BUB1: variants seen among roughly 807,000 people sequenced by gnomAD.
BUB1 encodes the protein mitotic checkpoint serine/threonine-protein kinase BUB1.
In BUB1, 84 loss-of-function variants were observed where a neutral mutation model predicts 135.2. The ratio of observed to expected loss-of-function variants is 0.62; its 90% CI spans 0.52 to 0.74. The LOEUF (loss-of-function observed/expected upper bound fraction) is 0.74. Among genes scored for constraint, BUB1 ranks in the 30% least tolerant of loss-of-function variants. The probability of loss-of-function intolerance (pLI) is 0.00; values close to 1 mark genes in which losing one functional copy is unlikely to be tolerated. For synonymous variants in BUB1, 403 were observed against 434.4 expected, an observed-to-expected ratio of 0.93 and a Z score of 0.90; for missense variants, 1,162 against 1,288.3, an observed-to-expected ratio of 0.90 and a Z score of 1.50.
rs771543746 is a variant in BUB1, at chr2:110,669,467, T to G, written c.553A>C (p.Ile185Leu). 4 of 1,592,062 alleles carry G rather than the reference T, an allele frequency of 2.5e-6. No homozygotes were observed. The highest frequency in any genetic ancestry group is 3.4e-6 in the Non-Finnish European group (4 of 1,159,980). Residue 185 changes from isoleucine (I) to leucine (L), a missense_variant, in exon 6 of 25, where the codon ATT becomes CTT. Transcript: ENST00000302759. Reference sequence around the variant, plus strand: ...GTCATTATTACCTGATTCTTAGAAATGCAGGCCATGTTATTTCCTGGATTT... The same window carrying G: ...GTCATTATTACCTGATTCTTAGAAAGGCAGGCCATGTTATTTCCTGGATTT... ...KSNPGNNMAC[I>L]SKNQGSELSG...
At chr2:110,650,462 C>T (rs1446115028) in intron 18 of BUB1, 84 bp downstream of exon 18, 1 of 1,290,320 alleles carries the variant, frequency 7.8e-7, no homozygotes, top group Non-Finnish European at 1.1e-6. Flanking sequence ...ACATTCAAGT[C>T]CCACTGTGGG....
chr2:110,641,990 TTTG>T, intron 20 of BUB1, 126 bp downstream of exon 20: 1 of 1,031,674 alleles, frequency 9.7e-7, no homozygotes, highest in Non-Finnish European at 1.4e-6. Flanking sequence ...TTTTGTAGTT[TTTG>T]TTTTTTAATT....
intron 17 of BUB1, among the ~76,000 whole-genome samples, chr2:110,653,056 G>A (rs1017012989): frequency 6.6e-6 from 1 of 152,190 alleles, no homozygotes; most frequent in Non-Finnish European, 1.5e-5. Flanking sequence ...CTGGGTACCA[G>A]GTTGCATTTA....
intron 9 of BUB1, among the ~76,000 whole-genome samples, chr2:110,664,098 G>A (rs965234027): frequency 2.0e-5 from 3 of 151,454 alleles, no homozygotes; most frequent in Non-Finnish European, 2.9e-5. Context: ...AAAATTAGGG[G>A]GAAAAAAGGA....
chr2:110,642,273 T>C, intron 19 of BUB1, 39 bp from the exon 20 acceptor site: 1 of 1,351,664 alleles, frequency 7.4e-7, no homozygotes, highest in Admixed American at 2.1e-5. Context: ...ATGTACGCCT[T>C]TTATTTTAAA....
At position 110,639,845 on chromosome 2, in the gene BUB1, C is replaced by G; in HGVS notation, c.2959G>C (p.Asp987His). 6.2e-7 allele frequency: 1 copy of G among 1,611,150 alleles called. No individual in the cohort carries two copies. The change falls in exon 24 of 25, where the codon GAT becomes CAT. Residue 987 changes from aspartate (D) to histidine (H), a missense_variant. Transcript: ENST00000302759. ...LSNKPWNYQI[D>H]YFGVAATVYC... ...ACTGTTGCAGCAACCCCAAAGTAAT[C>G]GATCTATGAAGAAGATAGAGGTATA...
intron 5 of BUB1, 144 bp from the exon 6 acceptor site, chr2:110,669,697 T>C (rs1690365607): frequency 3.6e-6 from 2 of 557,054 alleles, no homozygotes; most frequent in Non-Finnish European, 6.3e-6. Flanking sequence ...AAATTTCAAC[T>C]AAAACGTTTT....
chr2:110,677,632 C>G (rs1374310182), intron 1 of BUB1, among the ~76,000 whole-genome samples: 1 of 152,218 alleles, frequency 6.6e-6, no homozygotes, highest in Non-Finnish European at 1.5e-5. Flanking sequence ...ATCACAAAAT[C>G]TAAACACAAG....
intron 23 of BUB1, among the ~76,000 whole-genome samples, chr2:110,640,571 T>C (rs1689476309): frequency 6.6e-6 from 1 of 152,230 alleles, no homozygotes; most frequent in African/African-American, 2.4e-5. Context: ...AATCTGGCTG[T>C]ACCATCTATT....
intron 15 of BUB1, among the ~76,000 whole-genome samples, chr2:110,656,388 G>A (rs1689933481): frequency 6.6e-6 from 1 of 152,120 alleles, no homozygotes; most frequent in Non-Finnish European, 1.5e-5. Flanking sequence ...GTTCTCAAGT[G>A]TTCTTAGCCT....
chr2:110,670,126 GTTTTTTT>G (rs377459142), intron 5 of BUB1, among the ~76,000 whole-genome samples: 44 of 120,854 alleles, frequency 3.6e-4, no homozygotes, highest in Middle Eastern at 4.6e-3. Flanking sequence ...AATTGGATGG[GTTTTTTT>G]TTTTTTTTTT....
At chr2:110,641,829 T>C (rs1231926813) in intron 20 of BUB1, 26 bp from the exon 21 acceptor site, 1 of 1,594,636 alleles carries the variant, frequency 6.3e-7, no homozygotes. Context: ...GTGAAATTCA[T>C]ATCCAATCTC....
At chr2:110,657,847 G>A (rs1559169590) in intron 13 of BUB1, among the ~76,000 whole-genome samples, 1 of 152,194 alleles carries the variant, frequency 6.6e-6, no homozygotes, top group Non-Finnish European at 1.5e-5. Context: ...TCAAGTCCCA[G>A]GTCACGAGTC....
At chr2:110,654,297 C>T (rs1239938388) in intron 16 of BUB1, among the ~76,000 whole-genome samples, 13 of 151,802 alleles carry the variant, frequency 8.6e-5, no homozygotes, top group Admixed American at 8.5e-4. Flanking sequence ...TTTATTGAAA[C>T]GATTTTGTGT....
intron 10 of BUB1, chr2:110,660,856 AT>A (rs1434822705): frequency 6.6e-6 from 1 of 152,272 alleles, no homozygotes; most frequent in Admixed American, 6.5e-5. Context: ...AAAGAAAAAA[AT>A]GACACACAAG....
At chr2:110,649,131 G>T (rs1689716156) in intron 19 of BUB1, 103 bp downstream of exon 19, 2 of 1,133,552 alleles carry the variant, frequency 1.8e-6, no homozygotes, top group African/African-American at 1.6e-5. Context: ...TGGAGGTTGG[G>T]GGGCAAATAG....
At position 110,641,072 on chromosome 2, in the gene BUB1, A is replaced by G. The variant is rs756492928; in HGVS notation, c.2917T>C (p.Cys973Arg). The change falls in exon 23 of 25, where the codon TGT (cysteine) becomes CGT (arginine). Residue 973 changes from cysteine (C) to arginine (R), a missense_variant. Cys to Arg is a radical substitution (Grantham distance 180). Coordinates refer to ENST00000302759, the MANE Select transcript of BUB1 (RefSeq NM_004336.5). ...TAKCETSGFQ[C>R]VEMLSNKPWN... ...GGTTTGTTGCTGAGCATCTCAACAC[A>G]CTGAAAACCAGATGTTTCACACTTT... 6.8e-6 allele frequency: 11 copies of G among 1,606,834 alleles called. No homozygotes were observed. The African/African-American group carries it at 1.5e-4, about 22-fold the overall frequency.
chr2:110,669,078 A>G (rs930795897), intron 6 of BUB1, among the ~76,000 whole-genome samples: 7 of 152,194 alleles, frequency 4.6e-5, no homozygotes, highest in Non-Finnish European at 8.8e-5. Context: ...GCAATCTTTG[A>G]GGCTCTGAGT....
rs1801423 is a variant in BUB1, at chr2:110,666,278, G to C, written c.942C>G (p.Ser314=). 625 of 1,440,282 alleles carry C rather than the reference G, an allele frequency of 4.3e-4. No individual in the cohort carries two copies. Among genetic ancestry groups the C allele is most frequent in the Non-Finnish European group, 4.6e-4 (505 of 1,089,264 alleles). 89.2% of individuals were successfully genotyped at this position (1,440,282 alleles called of 1,614,324 possible). ...CACAACATACCTCGGACCTTTCCTGGGAAGCGGGCAGATCCTCATGGGATG... is the reference window on the plus strand; with the variant it reads ...CACAACATACCTCGGACCTTTCCTGCGAAGCGGGCAGATCCTCATGGGATG... ...VETSHEDLPA[S]QERSEVNPAR... Residue 314 remains serine (S), a synonymous_variant, in exon 9 of 25, where the codon TCC becomes TCG. Coordinates refer to ENST00000302759, the MANE Select transcript of BUB1 (RefSeq NM_004336.5).
Sources: gnomAD v4.1 joint callset for allele counts (sites outside exome capture counted in the v4.1 genomes callset) on GRCh38, gnomAD v4.1.1 for gene constraint, MANE v1.5 for transcripts, NCBI Gene and HGNC (gene_info 2026-07-23, HGNC 2026-07-21) for gene names.